Variants in NF1 observed in about 807,000 individuals in gnomAD.
The protein encoded by NF1 is neurofibromin.
Under a neutral mutation model 325.7 loss-of-function variants are expected in NF1, and 122 were observed. That is an observed-to-expected ratio of 0.37 (90% CI 0.32 to 0.44). The LOEUF (loss-of-function observed/expected upper bound fraction) is 0.44, where lower values mean the gene tolerates loss of function less well. NF1 is among the 20% of genes least tolerant of loss of function. The probability of loss-of-function intolerance (pLI) is 1.00; values close to 1 mark genes in which losing one functional copy is unlikely to be tolerated. For synonymous variants in NF1, 1,091 were observed against 1,186.0 expected (o/e 0.92, Z 1.65); for missense variants, 2,140 against 3,415.4 (o/e 0.63, Z 9.31).
intron 1 of NF1, among the ~76,000 whole-genome samples, chr17:31,151,857 A>G (rs1916966876): frequency 6.6e-6 from 1 of 152,204 alleles, no homozygotes; most frequent in Admixed American, 6.5e-5. Context: ...CAGTTTGGCT[A>G]GATATAAAAT....
rs2065905978 is a variant in NF1, at chr17:31,170,061, T to C, written c.586+64T>C. On this transcript the variant is annotated intron_variant, in intron 5 of 57. Coordinates refer to ENST00000358273, the MANE Select transcript of NF1 (RefSeq NM_001042492.3). ...GGGTCAAAAACTAGTATCATGAATGTACTAATTATATTAATTGTGCTGAAC... is the reference window on the plus strand; with the variant it reads ...GGGTCAAAAACTAGTATCATGAATGCACTAATTATATTAATTGTGCTGAAC... 40 of 997,826 alleles carry C rather than the reference T, an allele frequency of 4.0e-5. No homozygotes were observed. The South Asian group carries it at 5.0e-4, about 12-fold the overall frequency. 61.8% of individuals were successfully genotyped at this position (997,826 alleles called of 1,614,324 possible). A position where few individuals can be genotyped will look rare whatever the true frequency, so the allele number is the denominator to read the frequency against.
intron 27 of NF1, among the ~76,000 whole-genome samples, chr17:31,234,469 C>T (rs932664709): frequency 9.2e-5 from 14 of 151,558 alleles, no homozygotes; most frequent in African/African-American, 1.2e-4. Flanking sequence ...GTCGGGAGAT[C>T]GAGACCATCC....
At chr17:31,247,459 C>A (rs1175422061) in intron 29 of NF1, among the ~76,000 whole-genome samples, 1 of 152,004 alleles carries the variant, frequency 6.6e-6, no homozygotes, top group Non-Finnish European at 1.5e-5. Flanking sequence ...ATAGGGGAAA[C>A]CTGAATGGCC....
intron 36 of NF1, among the ~76,000 whole-genome samples, chr17:31,301,739 C>T (rs939543051): frequency 6.6e-6 from 1 of 152,184 alleles, no homozygotes; most frequent in Non-Finnish European, 1.5e-5. Flanking sequence ...CACTTACTTT[C>T]TCTGGTCCTG....
At chr17:31,276,181 C>G (rs962004292) in intron 36 of NF1, among the ~76,000 whole-genome samples, 5 of 134,702 alleles carry the variant, frequency 3.7e-5, no homozygotes, top group Admixed American at 1.7e-4. Flanking sequence ...TGCACTCCAG[C>G]CTGGGGGACA....
In NF1 at chr17:31,112,326, A is replaced by C. The variant is rs1024047477; in HGVS notation, c.60+16957A>C. 2.0e-5 allele frequency among the ~76,000 whole-genome samples: 3 copies of C among 152,188 alleles called. No individual in the cohort carries two copies. The South Asian group carries it at 6.2e-4, about 31-fold the overall frequency. The stretch of plus-strand genomic sequence containing the variant: ...GGATCATATGGTGGATGTATATAAT[A>C]ATGTTACAGGATATTATATTCTGTA... On this transcript the variant is annotated intron_variant, in intron 1 of 57. Coordinates refer to ENST00000358273, the MANE Select transcript of NF1 (RefSeq NM_001042492.3).
chr17:31,334,146 G>A (rs911566742), intron 39 of NF1, among the ~76,000 whole-genome samples: 1 of 152,012 alleles, frequency 6.6e-6, no homozygotes, highest in Admixed American at 6.6e-5. Context: ...AAAATTTGCC[G>A]GGCGTGGTGG....
chr17:31,318,044 C>T, intron 36 of NF1: 4 of 417,646 alleles, frequency 9.6e-6, no homozygotes, highest in Non-Finnish European at 1.3e-5. Flanking sequence ...AATCAGTTTC[C>T]TCAATTTATC....
In NF1 at chr17:31,357,518, A is replaced by ATAAC. The variant is rs2070303657; in HGVS notation, c.7970+149_7970+150insTAAC. 1.4e-5 allele frequency: 10 copies of ATAAC among 705,806 alleles called. No individual in the cohort carries two copies. The East Asian group carries it at 2.4e-4, about 17-fold the overall frequency. 43.7% of individuals were successfully genotyped at this position (705,806 alleles called of 1,614,324 possible). A position where few individuals can be genotyped will look rare whatever the true frequency, so the allele number is the denominator to read the frequency against. On this transcript the variant is annotated intron_variant, in intron 54 of 57. Coordinates refer to ENST00000358273, the MANE Select transcript of NF1 (RefSeq NM_001042492.3). ...GAGACAGTAGGTTTAATGAGGGTTA[A>ATAAC]GATTAGTTTTGACCTACTAGATCTA...
intron 1 of NF1, among the ~76,000 whole-genome samples, chr17:31,131,963 C>G (rs1266974355): frequency 7.2e-5 from 11 of 151,846 alleles, no homozygotes; most frequent in Non-Finnish European, 1.6e-4. Flanking sequence ...CAGGGTCTTA[C>G]TCTGTCATCC....
intron 11 of NF1, among the ~76,000 whole-genome samples, chr17:31,205,796 C>G (rs559257666): frequency 1.3e-5 from 2 of 152,020 alleles, no homozygotes; most frequent in South Asian, 2.1e-4. Flanking sequence ...ACTTTTAATA[C>G]TGTGTTGAAC....
At chr17:31,215,743 G>A (rs936666632) in intron 13 of NF1, among the ~76,000 whole-genome samples, 5 of 152,252 alleles carry the variant, frequency 3.3e-5, no homozygotes, top group East Asian at 1.9e-4. Context: ...GCAGCATCAA[G>A]CAAGGTTTCT....
intron 48 of NF1, among the ~76,000 whole-genome samples, chr17:31,344,820 C>T (rs1242393540): frequency 6.6e-6 from 1 of 152,216 alleles, no homozygotes; most frequent in Non-Finnish European, 1.5e-5. Context: ...TGCCTGTAAT[C>T]CCAACACTTT....
At position 31,232,747 on chromosome 17, in the gene NF1, A is replaced by T. The variant is rs757222815; in HGVS notation, c.3362A>T (p.Glu1121Val). ...MNLLNDCSEV[E>V]DESAQTGGRK... ...CTTTTGAATGACTGCAGTGAAGTTG[A>T]AGATGAAAGTGCGCAAACAGGTGGC... The change falls in exon 26 of 58, where the codon GAA (glutamate) becomes GTA (valine). Residue 1121 changes from glutamate (E) to valine (V), a missense_variant. This residue lies in a region of NF1 where 380 missense variants were observed against 639.3 expected (regional missense o/e 0.59). Coordinates refer to ENST00000358273, the MANE Select transcript of NF1 (RefSeq NM_001042492.3). 1 of 1,613,886 alleles carries T rather than the reference A, an allele frequency of 6.2e-7. No individual in the cohort carries two copies. Among genetic ancestry groups the T allele is most frequent in the Non-Finnish European group, 8.5e-7 (1 of 1,179,996 alleles).
chr17:31,150,587 C>T (rs933133889), intron 1 of NF1, among the ~76,000 whole-genome samples: 3 of 152,164 alleles, frequency 2.0e-5, no homozygotes, highest in African/African-American at 7.2e-5. Context: ...ACAAGACAAT[C>T]AAGAAACATA....
rs17879590 is a variant in NF1 at position 31,096,619 on chromosome 17, T to C, written c.60+1250T>C. 6.7e-3 allele frequency among the ~76,000 whole-genome samples: 1,026 copies of C among 152,182 alleles called. 17 individuals are homozygous for C. The highest frequency in any genetic ancestry group is 0.023 in the African/African-American group (962 of 41,498). ...CTATTTTGTTTACTGGATATAATGG[T>C]AAAACATTATGGGAGCTGAAGGGGT... On this transcript the variant is annotated intron_variant, in intron 1 of 57. Transcript: ENST00000358273.
chr17:31,369,048 A>G (rs1478022911), intron 57 of NF1, among the ~76,000 whole-genome samples: 2 of 151,780 alleles, frequency 1.3e-5, no homozygotes, highest in African/African-American at 4.8e-5. Flanking sequence ...TACCTAACCC[A>G]TTTTTCCTTA....
At chr17:31,137,160 T>C (rs896289061) in intron 1 of NF1, 1 of 152,234 alleles carries the variant, frequency 6.6e-6, no homozygotes, top group Non-Finnish European at 1.5e-5. Flanking sequence ...AAAATGTTTG[T>C]AGGTATATGG....
At chr17:31,226,168 G>A (rs2067008543) in intron 17 of NF1, among the ~76,000 whole-genome samples, 1 of 152,044 alleles carries the variant, frequency 6.6e-6, no homozygotes, top group Non-Finnish European at 1.5e-5. Flanking sequence ...ATCTGGAATA[G>A]GATAATATCT....
Sources: gnomAD v4.1 joint callset for allele counts (sites outside exome capture counted in the v4.1 genomes callset) on GRCh38, gnomAD v4.1.1 for gene constraint, gnomAD v4.1.1 regional missense constraint, MANE v1.5 for transcripts, NCBI Gene and HGNC (gene_info 2026-07-23, HGNC 2026-07-21) for gene names.